Variants in GRIN3A observed in about 807,000 individuals in gnomAD.
GRIN3A encodes glutamate ionotropic receptor NMDA type subunit 3A, also known as glutamate receptor ionotropic, NMDA 3A.
A neutral mutation model predicts 92.4 loss-of-function variants in GRIN3A; 47 were observed. That is an observed-to-expected ratio of 0.51 (90% CI 0.40 to 0.65). GRIN3A has a LOEUF of 0.65. GRIN3A is among the 30% of genes least tolerant of loss of function. The probability of loss-of-function intolerance (pLI) is 0.00; values close to 1 mark genes in which losing one functional copy is unlikely to be tolerated. For missense variants in GRIN3A, 1,324 were observed against 1,393.1 expected, an observed-to-expected ratio of 0.95 and a Z score of 0.79; for synonymous variants, 527 against 540.6, an observed-to-expected ratio of 0.97 and a Z score of 0.35.
chr9:101,666,345 T>C (rs932318944), intron 3 of GRIN3A, among the ~76,000 whole-genome samples: 40 of 151,928 alleles, frequency 2.6e-4, no homozygotes, highest in Non-Finnish European at 8.8e-5. Flanking sequence ...AAATGCCACG[T>C]ATGCTATAGA....
intron 1 of GRIN3A, among the ~76,000 whole-genome samples, chr9:101,699,349 C>A (rs1007751335): frequency 2.6e-5 from 4 of 152,024 alleles, no homozygotes; most frequent in African/African-American, 7.2e-5. Context: ...TCCTGAAGGA[C>A]CTGCCTGAGG....
chr9:101,608,832 A>T (rs1360914537), intron 6 of GRIN3A, among the ~76,000 whole-genome samples: 1 of 152,230 alleles, frequency 6.6e-6, no homozygotes, highest in Non-Finnish European at 1.5e-5. Flanking sequence ...TGTATAGAAT[A>T]CTGAATATTC....
intron 6 of GRIN3A, among the ~76,000 whole-genome samples, chr9:101,589,057 G>A (rs534511040): frequency 2.3e-4 from 35 of 152,030 alleles, no homozygotes; most frequent in East Asian, 1.9e-3. Context: ...TGCAACCTCC[G>A]CCTTTCTGGT....
intron 3 of GRIN3A, among the ~76,000 whole-genome samples, chr9:101,640,541 A>T (rs866641927): frequency 3.0e-4 from 46 of 152,286 alleles, no homozygotes; most frequent in African/African-American, 1.1e-3. Context: ...CATAACCAGA[A>T]TGTTAGTTCT....
At chr9:101,646,934 CTG>C (rs1264002794) in intron 3 of GRIN3A, among the ~76,000 whole-genome samples, 2 of 150,560 alleles carry the variant, frequency 1.3e-5, no homozygotes, top group East Asian at 3.9e-4. Flanking sequence ...AAAAAAAAAT[CTG>C]TGAAAAAGGA....
chr9:101,737,579 T>C lies in GRIN3A; in HGVS notation c.401A>G (p.Asn134Ser). 1.2e-6 allele frequency: 2 copies of C among 1,614,120 alleles called. No homozygotes were observed. Among genetic ancestry groups the C allele is most frequent in the Non-Finnish European group, 8.5e-7 (1 of 1,180,016 alleles). ...PRDALLFAVD[N>S]LNRVEGLLPY... ...TAGCAGCCCTTCCACGCGGTTCAGG[T>C]TGTCCACGGCAAATAGGAGGGCGTC... Residue 134 changes from asparagine to serine, a missense_variant, in exon 1 of 9, where the codon AAC becomes AGC. Physicochemically the swap from Asn to Ser is conservative, Grantham distance 46 (BLOSUM62 1). Transcript: ENST00000361820.
chr9:101,737,670 C>T lies in GRIN3A; in HGVS notation c.310G>A (p.Gly104Ser), dbSNP rs112299615. The T allele has an allele frequency of 6.3e-6, 10 of 1,590,148 alleles. No homozygotes were observed. Among genetic ancestry groups the T allele is most frequent in the Non-Finnish European group, 8.5e-6 (10 of 1,171,318 alleles). Residue 104 changes from glycine (G) to serine (S), a missense_variant, in exon 1 of 9, where the codon GGC (glycine) becomes AGC (serine). Coordinates refer to ENST00000361820, the MANE Select transcript of GRIN3A (RefSeq NM_133445.3). Reference protein sequence around the residue: ...GARWLGSTLHGRGPPGSRKPG... With the variant: ...GARWLGSTLHSRGPPGSRKPG... ...TTACGGGAGCCCGGCGGCCCCCGGC[C>T]ATGCAGGGTGCTCCCCAACCAGCGT...
chr9:101,662,289 G>A (rs2118934825), intron 3 of GRIN3A, among the ~76,000 whole-genome samples: 1 of 151,856 alleles, frequency 6.6e-6, no homozygotes, highest in South Asian at 2.1e-4. Context: ...CAATGGGTGG[G>A]GGGAATGATT....
intron 6 of GRIN3A, among the ~76,000 whole-genome samples, chr9:101,590,111 G>T (rs1358080015): frequency 3.9e-5 from 6 of 152,078 alleles, no homozygotes; most frequent in Non-Finnish European, 7.4e-5. Context: ...ACATTTGTAG[G>T]TCAGAGTTAG....
chr9:101,688,387 T>C (rs937437522), intron 1 of GRIN3A, among the ~76,000 whole-genome samples: 7 of 152,168 alleles, frequency 4.6e-5, no homozygotes, highest in African/African-American at 1.7e-4. Context: ...CTCATGATGG[T>C]AGGTAGGATG....
intron 6 of GRIN3A, among the ~76,000 whole-genome samples, chr9:101,609,044 C>G (rs561809156): frequency 8.5e-5 from 13 of 152,258 alleles, no homozygotes; most frequent in African/African-American, 2.9e-4. Flanking sequence ...TCTGTCTCCC[C>G]CTTCCTAAGG....
rs144396849 is a variant in GRIN3A, at chr9:101,600,212, G to A, written c.2766+13164C>T. ...AAGGGTGCTCAATGCCTATCACATA[G>A]TAGGTACAGGAATGGTAGAGATTAT... On this transcript the variant is annotated intron_variant, in intron 6 of 8. Transcript: ENST00000361820. Among the ~76,000 whole-genome samples the A allele has an allele frequency of 9.2e-5, 14 of 152,284 alleles. No individual in the cohort carries two copies. In the East Asian group the frequency reaches 2.7e-3, roughly 29 times the overall value.
intron 6 of GRIN3A, among the ~76,000 whole-genome samples, chr9:101,585,621 G>A (rs1220288612): frequency 1.3e-5 from 2 of 152,098 alleles, no homozygotes; most frequent in South Asian, 4.2e-4. Flanking sequence ...TCTTTCTCTA[G>A]CATCCCATTA....
At chr9:101,704,690 G>C (rs542043120) in intron 1 of GRIN3A, among the ~76,000 whole-genome samples, 1 of 152,282 alleles carries the variant, frequency 6.6e-6, no homozygotes. Flanking sequence ...TCTTTCCAGA[G>C]GATTTTGCCT....
chr9:101,621,297 A>AG (rs1828551294), intron 5 of GRIN3A, among the ~76,000 whole-genome samples: 1 of 150,336 alleles, frequency 6.7e-6, no homozygotes, highest in African/African-American at 2.5e-5. Flanking sequence ...AAAAAAAAAA[A>AG]ACAATTTGTG....
intron 3 of GRIN3A, among the ~76,000 whole-genome samples, chr9:101,668,165 A>G (rs1348679823): frequency 6.6e-6 from 1 of 152,074 alleles, no homozygotes; most frequent in Admixed American, 6.6e-5. Context: ...GCTTAAAAAT[A>G]ATTTCACTGC....
intron 4 of GRIN3A, among the ~76,000 whole-genome samples, chr9:101,626,028 C>A (rs537020131): frequency 6.6e-6 from 1 of 152,120 alleles, no homozygotes; most frequent in Non-Finnish European, 1.5e-5. Flanking sequence ...CGTGAAAAGG[C>A]GAAAAGCAGT....
chr9:101,706,783 G>T (rs1416696087), intron 1 of GRIN3A, among the ~76,000 whole-genome samples: 1 of 152,170 alleles, frequency 6.6e-6, no homozygotes. Context: ...CTTGAACACA[G>T]ATTTCTTTCT....
At chr9:101,623,655 G>A (rs1182218289) in intron 4 of GRIN3A, among the ~76,000 whole-genome samples, 1 of 152,214 alleles carries the variant, frequency 6.6e-6, no homozygotes, top group African/African-American at 2.4e-5. Context: ...TTTCCAATGA[G>A]TTTATCTACC....
Sources: allele counts gnomAD v4.1 joint callset (sites outside exome capture counted in the v4.1 genomes callset), GRCh38; gene constraint gnomAD v4.1.1; transcripts MANE v1.5; gene names NCBI Gene and HGNC (gene_info 2026-07-23, HGNC 2026-07-21).